Variants in RFTN2 observed in about 807,000 individuals in gnomAD.
The protein encoded by RFTN2 is raftlin family member 2.
A neutral mutation model predicts 52.7 loss-of-function variants in RFTN2; 34 were observed. The observed-to-expected ratio is 0.64, with a 90% CI of 0.49 to 0.86. RFTN2 has a LOEUF of 0.86. Among genes scored for constraint, RFTN2 ranks in the 40% least tolerant of loss-of-function variants. The pLI is 0.00. For synonymous variants in RFTN2, 203 were observed against 217.7 expected, an observed-to-expected ratio of 0.93 and a Z score of 0.59; for missense variants, 536 against 600.1, an observed-to-expected ratio of 0.89 and a Z score of 1.12.
chr2:197,588,829 C>T (rs2087642653), intron 8 of RFTN2, among the ~76,000 whole-genome samples: 1 of 152,110 alleles, frequency 6.6e-6, no homozygotes, highest in Non-Finnish European at 1.5e-5. Context: ...ATAACTTCCA[C>T]GTGTTGTGGG....
chr2:197,570,747 AC>A lies in RFTN2; in HGVS notation c.*1260del, dbSNP rs1419890054. On this transcript the variant is annotated 3_prime_UTR_variant, in exon 9 of 9. Transcript: ENST00000295049. ...TCCGTCTCAAAAAAAGCCACAAAAA[AC>A]CCCCAAACCAAACATATTATATGAA... The A allele has an allele frequency of 2.0e-5, 3 of 152,042 alleles. No homozygotes were observed. Among genetic ancestry groups the A allele is most frequent in the African/African-American group, 7.2e-5 (3 of 41,390 alleles). The allele number at this position is 152,042 out of a possible 1,614,324, so 9.4% of individuals were successfully genotyped here.
chr2:197,625,484 T>C (rs1574718522), intron 5 of RFTN2, among the ~76,000 whole-genome samples: 1 of 152,256 alleles, frequency 6.6e-6, no homozygotes, highest in East Asian at 1.9e-4. Flanking sequence ...GGGAGCATCT[T>C]TGAAGTAGAG....
chr2:197,582,794 G>C (rs905447797), intron 8 of RFTN2, among the ~76,000 whole-genome samples: 1 of 152,124 alleles, frequency 6.6e-6, no homozygotes, highest in Non-Finnish European at 1.5e-5. Flanking sequence ...TCCAAAGGAA[G>C]CTGGAGTCAT....
At position 197,571,508 on chromosome 2, in the gene RFTN2, ATG is replaced by A. The variant is rs2087316464; in HGVS notation, c.*498_*499del. On this transcript the variant is annotated 3_prime_UTR_variant, in exon 9 of 9. Transcript: ENST00000295049. ...TATACATGCTATAGTTAAAGACAAAATGTGGATTAATTATTATATTTGGGAAA... is the reference window on the plus strand; with the variant it reads ...TATACATGCTATAGTTAAAGACAAAATGGATTAATTATTATATTTGGGAAA... The A allele has an allele frequency of 6.4e-6, 1 of 157,194 alleles. No homozygotes were observed. Among genetic ancestry groups the A allele is most frequent in the Non-Finnish European group, 1.4e-5 (1 of 70,782 alleles). 9.7% of individuals were successfully genotyped at this position (157,194 alleles called of 1,614,324 possible).
chr2:197,581,613 C>A (rs1227136203), intron 8 of RFTN2, among the ~76,000 whole-genome samples: 1 of 152,150 alleles, frequency 6.6e-6, no homozygotes, highest in Non-Finnish European at 1.5e-5. Flanking sequence ...CAACAAGACA[C>A]CCTCCTGCTT....
chr2:197,640,728 G>T (rs952843011), intron 3 of RFTN2, among the ~76,000 whole-genome samples: 4 of 152,278 alleles, frequency 2.6e-5, no homozygotes, highest in African/African-American at 7.2e-5. Context: ...GTAGACCGGA[G>T]CTGTTCCTAT....
chr2:197,594,342 T>G (rs2087763607), intron 8 of RFTN2, among the ~76,000 whole-genome samples: 1 of 152,024 alleles, frequency 6.6e-6, no homozygotes. Context: ...AATTAATTTT[T>G]TTTGAGACAG....
chr2:197,643,248 T>A (rs1224251858), intron 3 of RFTN2, among the ~76,000 whole-genome samples: 2 of 152,016 alleles, frequency 1.3e-5, no homozygotes, highest in Non-Finnish European at 2.9e-5. Context: ...CACGTCCTGC[T>A]GATTTTTTTT....
rs200183109 is a variant in RFTN2, at chr2:197,572,004, T to C, written c.*4A>G. On this transcript the variant is annotated 3_prime_UTR_variant, in exon 9 of 9. Transcript: ENST00000295049. Reference sequence around the variant, plus strand: ...CAGGGCCTTCCTTTGCTTCACCTCATGGCTCACATACAAGTGACCTGAGTC... The same window carrying C: ...CAGGGCCTTCCTTTGCTTCACCTCACGGCTCACATACAAGTGACCTGAGTC... The C allele has an allele frequency of 1.0e-3, 1,656 of 1,612,560 alleles. 9 individuals carry two copies. The highest frequency in any genetic ancestry group is 8.6e-3 in the Middle Eastern group (52 of 6,056).
At chr2:197,581,345 C>A (rs1349686544) in intron 8 of RFTN2, among the ~76,000 whole-genome samples, 1 of 152,180 alleles carries the variant, frequency 6.6e-6, no homozygotes, top group East Asian at 1.9e-4. Flanking sequence ...CTATTCTGTT[C>A]TTGATCTTAA....
At chr2:197,595,345 A>G (rs1423397283) in intron 8 of RFTN2, among the ~76,000 whole-genome samples, 3 of 152,228 alleles carry the variant, frequency 2.0e-5, no homozygotes, top group Non-Finnish European at 4.4e-5. Context: ...AATTAAACTG[A>G]CAAAAGACAT....
intron 7 of RFTN2, among the ~76,000 whole-genome samples, chr2:197,606,206 C>G (rs1454595488): frequency 6.6e-6 from 1 of 152,260 alleles, no homozygotes; most frequent in Non-Finnish European, 1.5e-5. Context: ...AATACATGCT[C>G]TAGACCTTCA....
chr2:197,623,810 G>A (rs961190891), intron 5 of RFTN2, among the ~76,000 whole-genome samples: 2 of 152,136 alleles, frequency 1.3e-5, no homozygotes, highest in African/African-American at 4.8e-5. Context: ...GGAATTACAG[G>A]CGTGTCACTA....
chr2:197,587,957 A>T (rs2087628164), intron 8 of RFTN2: 1 of 469,800 alleles, frequency 2.1e-6, no homozygotes, highest in Non-Finnish European at 4.4e-6. Context: ...AAGGTCATGA[A>T]TAGCTGGCCC....
intron 7 of RFTN2, among the ~76,000 whole-genome samples, chr2:197,612,499 C>T (rs1292693006): frequency 6.6e-6 from 1 of 152,220 alleles, no homozygotes; most frequent in Non-Finnish European, 1.5e-5. Flanking sequence ...TAGCTGCTAA[C>T]TCAGCTGGTT....
chr2:197,658,348 G>A (rs546996553), intron 1 of RFTN2, among the ~76,000 whole-genome samples: 6 of 152,016 alleles, frequency 3.9e-5, no homozygotes, highest in South Asian at 2.1e-4. Flanking sequence ...TTGACTCACC[G>A]CAGTCTCGAC....
At chr2:197,616,333 C>G (rs541737977) in intron 6 of RFTN2, among the ~76,000 whole-genome samples, 2 of 36,660 alleles carry the variant, frequency 5.5e-5, no homozygotes, top group African/African-American at 2.4e-4. Flanking sequence ...ATTCCTACAT[C>G]CAGGCTAGGG....
At chr2:197,618,847 C>T (rs1180684856) in intron 5 of RFTN2, among the ~76,000 whole-genome samples, 2 of 150,582 alleles carry the variant, frequency 1.3e-5, no homozygotes, top group Non-Finnish European at 3.0e-5. Flanking sequence ...CCCCTCCGCC[C>T]GGCAGCCGCC....
At chr2:197,614,237 T>A (rs1399188220) in intron 7 of RFTN2, among the ~76,000 whole-genome samples, 2 of 152,228 alleles carry the variant, frequency 1.3e-5, no homozygotes, top group Non-Finnish European at 2.9e-5. Flanking sequence ...ATTTATTGAT[T>A]GACTTTTTGC....
Sources: gnomAD v4.1 joint callset for allele counts (sites outside exome capture counted in the v4.1 genomes callset) on GRCh38, gnomAD v4.1.1 for gene constraint, MANE v1.5 for transcripts, NCBI Gene and HGNC (gene_info 2026-07-23, HGNC 2026-07-21) for gene names.